DNAH1: variants seen among roughly 807,000 people sequenced by gnomAD.
DNAH1 encodes the protein dynein axonemal heavy chain 1.
A neutral mutation model predicts 484.3 loss-of-function variants in DNAH1; 327 were observed. That is an observed-to-expected ratio of 0.68 (90% CI 0.62 to 0.74). The LOEUF (loss-of-function observed/expected upper bound fraction) is 0.74. DNAH1 is among the 30% of genes least tolerant of loss of function. The pLI is 0.00. For missense variants in DNAH1, 5,052 were observed against 5,546.8 expected (o/e 0.91, Z 2.83); for synonymous variants, 2,192 against 2,191.9 (o/e 1.00, Z 0.00).
chr3:52,389,352 C>T, intron 59 of DNAH1, 109 bp from the exon 60 acceptor site: 1 of 1,495,676 alleles, frequency 6.7e-7, no homozygotes, highest in Non-Finnish European at 9.1e-7. Context: ...TATCTGGCTC[C>T]ATGTCTGAGC....
In DNAH1 at chr3:52,362,695, T is replaced by C. The variant is rs1559531314; in HGVS notation, c.5094+194T>C. On this transcript the variant is annotated intron_variant, in intron 31 of 77. Coordinates refer to ENST00000420323, the MANE Select transcript of DNAH1 (RefSeq NM_015512.5). The surrounding 1 kb of genome is among the most constrained non-coding windows in gnomAD (Gnocchi z 5.1). ...AGGGCATGGGAGAAGTCAGGCTGCC[T>C]ATGGATGTGGTGTGGAGGGGGAATC... 6.6e-6 allele frequency among the ~76,000 whole-genome samples: 1 copy of C among 152,264 alleles called. No individual in the cohort carries two copies. Among genetic ancestry groups the C allele is most frequent in the East Asian group, 1.9e-4 (1 of 5,182 alleles).
intron 5 of DNAH1, 121 bp from the exon 6 acceptor site, chr3:52,327,761 C>G: frequency 1.7e-6 from 2 of 1,208,624 alleles, no homozygotes; most frequent in Non-Finnish European, 2.3e-6. Flanking sequence ...CCAGTGCCAC[C>G]TTGCAGCTCT....
In DNAH1 at chr3:52,361,356, A is replaced by G; in HGVS notation, c.4874+4A>G. 1 of 1,572,196 alleles carries G rather than the reference A, an allele frequency of 6.4e-7. No homozygotes were observed. The highest frequency in any genetic ancestry group is 8.6e-7 in the Non-Finnish European group (1 of 1,157,650). On this transcript the variant is annotated splice_donor_region_variant and intron_variant, in intron 29 of 77. Coordinates refer to ENST00000420323, the MANE Select transcript of DNAH1 (RefSeq NM_015512.5). The surrounding 1 kb of genome is among the most constrained non-coding windows in gnomAD (Gnocchi z 5.6). Reference sequence around the variant, plus strand: ...AGTTCTTCAAGGGCCTGGCCAGGTGAGGCTGGGCATGAGCGTGGCACAGGA... The same window carrying G: ...AGTTCTTCAAGGGCCTGGCCAGGTGGGGCTGGGCATGAGCGTGGCACAGGA...
chr3:52,399,873 C>T, intron 77 of DNAH1, 94 bp downstream of exon 77: 2 of 1,291,548 alleles, frequency 1.5e-6, no homozygotes, highest in South Asian at 2.8e-5. Context: ...GTTAGCTGAA[C>T]AAGGAAGGAC....
Position 52,393,240 on chromosome 3 carries a change from A to G in DNAH1, c.10475-94A>G. 3 of 1,569,962 alleles carry G rather than the reference A, an allele frequency of 1.9e-6. No individual in the cohort carries two copies. In the South Asian group the frequency reaches 3.5e-5, roughly 18 times the overall value. ...CCAAGAGGAGGCCCAGGCTGCCCCT[A>G]CGGCTGCTGGGGAGACTGGCTAGGC... On this transcript the variant is annotated intron_variant, in intron 65 of 77. Coordinates refer to ENST00000420323, the MANE Select transcript of DNAH1 (RefSeq NM_015512.5).
intron 54 of DNAH1, 100 bp from the exon 55 acceptor site, chr3:52,386,060 C>T (rs1271659913): frequency 7.4e-7 from 1 of 1,352,564 alleles, no homozygotes; most frequent in Non-Finnish European, 9.9e-7. Context: ...GCTGGAGGGC[C>T]CTTGGAGAAC....
In DNAH1 at chr3:52,396,641, G is replaced by A. The variant is rs1363081670; in HGVS notation, c.11454G>A (p.Leu3818=). ...AGGTGATGGAGTTCAAGTCTCTGCT[G>A]CTGTCTCTGTGCTTGTTCCATGGGA... ...CHKVMEFKSL[L]LSLCLFHGNA... is the part of the protein sequence containing the mutation. Residue 3818 remains leucine (L), a synonymous_variant, in exon 72 of 78, where the codon CTG becomes CTA. Coordinates refer to ENST00000420323, the MANE Select transcript of DNAH1 (RefSeq NM_015512.5). 1.9e-6 allele frequency: 3 copies of A among 1,613,212 alleles called. No homozygotes were observed. Among genetic ancestry groups the A allele is most frequent in the Non-Finnish European group, 2.5e-6 (3 of 1,179,664 alleles).
intron 56 of DNAH1, among the ~76,000 whole-genome samples, chr3:52,387,700 G>A (rs1704169852): frequency 6.6e-6 from 1 of 152,172 alleles, no homozygotes; most frequent in Non-Finnish European, 1.5e-5. Context: ...GGGAGCTCGT[G>A]AGCAATGCAA....
the DNAH1 span, among the ~76,000 whole-genome samples, chr3:52,311,092 A>G: frequency 8.5e-5 from 13 of 152,310 alleles, no homozygotes; most frequent in Admixed American, 3.3e-4. Flanking sequence ...AAAGGCACAC[A>G]GCTGGTGGGG....
intron 75 of DNAH1, 34 bp downstream of exon 75, chr3:52,398,196 G>T: frequency 6.3e-7 from 1 of 1,583,716 alleles, no homozygotes; most frequent in African/African-American, 1.3e-5. Flanking sequence ...CCCCGAGTCA[G>T]CGGCCACTGG....
chr3:52,373,668 G>A, intron 44 of DNAH1: 2 of 1,400,032 alleles, frequency 1.4e-6, no homozygotes, highest in Non-Finnish European at 2.0e-6. Flanking sequence ...TCCTCCTGCT[G>A]ATCAAAAGAA....
At chr3:52,375,543 C>T (rs1319137169) in intron 45 of DNAH1, 130 bp downstream of exon 45, 6 of 960,614 alleles carry the variant, frequency 6.2e-6, no homozygotes, top group Non-Finnish European at 6.1e-6. Context: ...GGGTTCACCT[C>T]TCACTCAGCT....
chr3:52,396,583 C>T (rs901001593), intron 71 of DNAH1, 35 bp from the exon 72 acceptor site: 12 of 1,611,166 alleles, frequency 7.4e-6, no homozygotes, highest in South Asian at 4.4e-5. Flanking sequence ...CCCCCGTCCC[C>T]GCTCCTCACC....
rs752391361 is a variant in DNAH1, at chr3:52,392,879, G to A, written c.10328G>A (p.Arg3443His). The A allele has an allele frequency of 8.1e-6, 13 of 1,607,714 alleles. No individual in the cohort carries two copies. Among genetic ancestry groups the A allele is most frequent in the East Asian group, 2.2e-5 (1 of 44,562 alleles). The change falls in exon 65 of 78, where the codon CGC becomes CAC. Residue 3443 changes from arginine (R) to histidine (H), a missense_variant. Arg to His is a conservative substitution (Grantham distance 29, BLOSUM62 0). Coordinates refer to ENST00000420323, the MANE Select transcript of DNAH1 (RefSeq NM_015512.5). ...EQTEKDIDLT[R>H]MEYIPVAIRT... ...ACGGAGAAGGACATCGACCTGACGCGCATGGAGTACATACCCGTGGCCATC... is the reference window on the plus strand; with the variant it reads ...ACGGAGAAGGACATCGACCTGACGCACATGGAGTACATACCCGTGGCCATC...
intron 45 of DNAH1, 97 bp downstream of exon 45, chr3:52,375,510 G>A: frequency 7.1e-7 from 1 of 1,400,330 alleles, no homozygotes; most frequent in Non-Finnish European, 9.7e-7. Context: ...AGGGTGGAGT[G>A]GCCAAACCAT....
chr3:52,349,232 C>T lies in DNAH1; in HGVS notation c.2338C>T (p.Arg780Trp), dbSNP rs776082413. 1.7e-5 allele frequency: 27 copies of T among 1,613,644 alleles called. No homozygotes were observed. The highest frequency in any genetic ancestry group is 6.7e-5 in the East Asian group (3 of 44,880). ...GCAGGGCCTGTTGGCCCAGGAGGTG[C>T]GGGAGGTAGTGCTCACCCACCTGCG... is the stretch of plus-strand genomic sequence containing the variant. ...QTQGLLAQEV[R>W]EVVLTHLREK... The change falls in exon 14 of 78, where the codon CGG becomes TGG. Residue 780 changes from arginine to tryptophan, a missense_variant. By Grantham distance (101) the Arg-to-Trp change is moderately radical. Coordinates refer to ENST00000420323, the MANE Select transcript of DNAH1 (RefSeq NM_015512.5).
At chr3:52,349,127 T>G in intron 13 of DNAH1, 46 bp downstream of exon 13, 2 of 1,612,552 alleles carry the variant, frequency 1.2e-6, no homozygotes, top group Non-Finnish European at 1.7e-6. Context: ...TGTGTGTTTG[T>G]GCATGTGTAT....
intron 76 of DNAH1, 51 bp downstream of exon 76, chr3:52,399,252 G>C: frequency 1.2e-5 from 19 of 1,525,790 alleles, no homozygotes; most frequent in Non-Finnish European, 1.6e-5. Context: ...GTACAGCCCA[G>C]GGAGGAGAGG....
intron 44 of DNAH1, 41 bp downstream of exon 44, chr3:52,373,094 G>T (rs778647783): frequency 4.4e-6 from 7 of 1,579,728 alleles, no homozygotes; most frequent in Non-Finnish European, 4.3e-6. Context: ...AGGGCTACGC[G>T]TGCTGTGCAG....
Sources: allele counts gnomAD v4.1 joint callset (sites outside exome capture counted in the v4.1 genomes callset), GRCh38; gene constraint gnomAD v4.1.1; non-coding constraint Gnocchi (gnomAD v3.1); transcripts MANE v1.5; gene names NCBI Gene and HGNC (gene_info 2026-07-23, HGNC 2026-07-21).